The following LHX4 variants were observed in gnomAD, a reference collection of about 807,000 sequenced individuals.
LHX4 encodes LIM homeobox 4.
In LHX4, 16 loss-of-function variants were observed where a neutral mutation model predicts 39.2. That is an observed-to-expected ratio of 0.41 (90% CI 0.28 to 0.62). LHX4 has a LOEUF of 0.62. Ranked by LOEUF, LHX4 falls within the 20% of genes least tolerant of loss-of-function variation. The pLI, the probability that LHX4 is intolerant of heterozygous loss-of-function variation, is 0.33. For missense variants in LHX4, 439 were observed against 511.9 expected (o/e 0.86, Z 1.37); for synonymous variants, 206 against 198.1 (o/e 1.04, Z -0.33).
upstream of LHX4, among the ~76,000 whole-genome samples, chr1:180,228,827 A>C (rs1664085530): frequency 6.6e-6 from 1 of 152,154 alleles, no homozygotes; most frequent in Admixed American, 6.5e-5. Flanking sequence ...ACACCAGGGG[A>C]AACAGCAGGG....
intron 1 of LHX4, among the ~76,000 whole-genome samples, chr1:180,236,187 G>T (rs1571256261): frequency 6.7e-6 from 1 of 149,808 alleles, no homozygotes; most frequent in Admixed American, 6.7e-5. Flanking sequence ...TTTAAAAATC[G>T]AGTGCTCCTA....
chr1:180,243,930 C>G (rs146437463), intron 1 of LHX4, among the ~76,000 whole-genome samples: 166 of 152,302 alleles, frequency 1.1e-3, no homozygotes, highest in Admixed American at 3.5e-3. Flanking sequence ...ATGGTTCAGG[C>G]CCCTTGAGCT....
At chr1:180,229,882 C>A (rs1035341891), upstream of LHX4, among the ~76,000 whole-genome samples, 1 of 150,388 alleles carries the variant, frequency 6.6e-6, no homozygotes, top group Non-Finnish European at 1.5e-5. Context: ...CGACCACCTG[C>A]TGCCGCGGCA....
upstream of LHX4, among the ~76,000 whole-genome samples, chr1:180,229,959 C>CGGAGGCGGGGGGGGCGGGGG (rs1238306398): frequency 4.4e-5 from 1 of 22,746 alleles, no homozygotes. Context: ...GAGGCGGAGG[C>CGGAGGCGGGGGGGGCGGGGG]GGGGAGGGGG....
At chr1:180,271,624 T>C (rs1648666362) in intron 4 of LHX4, 90 bp downstream of exon 4, 16 of 1,525,630 alleles carry the variant, frequency 1.0e-5, no homozygotes, top group East Asian at 4.5e-5. Context: ...TCACGGGTGG[T>C]TGGGCTCAGG....
intron 2 of LHX4, among the ~76,000 whole-genome samples, chr1:180,259,528 C>T (rs1373256481): frequency 5.9e-5 from 9 of 151,592 alleles, no homozygotes; most frequent in South Asian, 2.1e-4. Flanking sequence ...GGGTCCAAGC[C>T]GGGCTTCCCT....
intron 2 of LHX4, among the ~76,000 whole-genome samples, chr1:180,251,396 C>A (rs1036997785): frequency 1.3e-5 from 2 of 152,222 alleles, no homozygotes; most frequent in African/African-American, 4.8e-5. Context: ...TCCAGCTCCG[C>A]GGCAGACAGG....
At chr1:180,241,899 C>A (rs1336245627) in intron 1 of LHX4, among the ~76,000 whole-genome samples, 2 of 151,980 alleles carry the variant, frequency 1.3e-5, no homozygotes, top group African/African-American at 4.8e-5. Flanking sequence ...CTCACTGCAG[C>A]CTTGGACTCC....
At chr1:180,254,487 C>T (rs1647763250) in intron 2 of LHX4, among the ~76,000 whole-genome samples, 1 of 152,250 alleles carries the variant, frequency 6.6e-6, no homozygotes, top group Non-Finnish European at 1.5e-5. Context: ...CCATTTATCT[C>T]CGCAGTCCAG....
At chr1:180,246,375 C>CT (rs1647382303) in intron 1 of LHX4, among the ~76,000 whole-genome samples, 1 of 152,216 alleles carries the variant, frequency 6.6e-6, no homozygotes, top group East Asian at 1.9e-4. Context: ...TATGTTAACA[C>CT]TTTTTAAATT....
Position 180,275,123 on chromosome 1 carries a change from T to C in LHX4, c.*544T>C, listed in dbSNP as rs1365576127. ...GGTCAGTGAACACTTTGATGGCCAG[T>C]TTGATATTAAAAACATGCCCCCTCC... On this transcript the variant is annotated 3_prime_UTR_variant, in exon 6 of 6. Coordinates refer to ENST00000263726, the MANE Select transcript of LHX4 (RefSeq NM_033343.4). 2 of 152,336 alleles carry C rather than the reference T, an allele frequency of 1.3e-5. No individual in the cohort carries two copies. Among genetic ancestry groups the C allele is most frequent in the African/African-American group, 2.4e-5 (1 of 41,438 alleles). The allele number at this position is 152,336 out of a possible 1,614,324, so 9.4% of individuals were successfully genotyped here.
chr1:180,275,208 G>GTTTTGGT lies in LHX4; in HGVS notation c.*634_*640dup, dbSNP rs1172085204. On this transcript the variant is annotated 3_prime_UTR_variant, in exon 6 of 6. Coordinates refer to ENST00000263726, the MANE Select transcript of LHX4 (RefSeq NM_033343.4). ...CCTACAAACCAGAGAATATGAACCT[G>GTTTTGGT]TTTTGGTTTTTAAGTGTCCCATCTA... 6.6e-6 allele frequency: 1 copy of GTTTTGGT among 152,180 alleles called. No homozygotes were observed. The highest frequency in any genetic ancestry group is 1.5e-5 in the Non-Finnish European group (1 of 68,050). 9.4% of individuals were successfully genotyped at this position (152,180 alleles called of 1,614,324 possible).
intron 2 of LHX4, among the ~76,000 whole-genome samples, chr1:180,252,837 C>T (rs115812398): frequency 0.012 from 1,781 of 152,282 alleles, 41 homozygotes; most frequent in African/African-American, 0.041. Context: ...GGTGTGGACA[C>T]AGAGGAGGCA....
At chr1:180,248,571 G>A in intron 2 of LHX4, 115 bp downstream of exon 2, 1 of 1,135,544 alleles carries the variant, frequency 8.8e-7, no homozygotes, top group Non-Finnish European at 1.3e-6. Flanking sequence ...ACTCTGGGAG[G>A]GGCAGGTAAA....
chr1:180,254,518 C>T (rs573914081), intron 2 of LHX4, among the ~76,000 whole-genome samples: 10 of 152,354 alleles, frequency 6.6e-5, no homozygotes, highest in South Asian at 2.1e-4. Flanking sequence ...TTCTGCCTGG[C>T]GTGGCTGCAG....
At chr1:180,250,635 G>C (rs144331465) in intron 2 of LHX4, among the ~76,000 whole-genome samples, 1 of 152,308 alleles carries the variant, frequency 6.6e-6, no homozygotes, top group African/African-American at 2.4e-5. Flanking sequence ...AGCCTGTGGG[G>C]TATGAGCAAA....
chr1:180,245,321 C>T (rs1465961708), intron 1 of LHX4, among the ~76,000 whole-genome samples: 1 of 152,232 alleles, frequency 6.6e-6, no homozygotes, highest in Non-Finnish European at 1.5e-5. Flanking sequence ...GCTATCCACC[C>T]TTCATAGACT....
In LHX4 at chr1:180,251,641, C is replaced by G. The variant is rs568417157; in HGVS notation, c.248+3185C>G. On this transcript the variant is annotated intron_variant, in intron 2 of 5. Transcript: ENST00000263726. ...AAGTAAATTATCCAGTGAGTTTACACGAGCTTTGGTGACCAGTTTCTTCTG... is the reference window on the plus strand; with the variant it reads ...AAGTAAATTATCCAGTGAGTTTACAGGAGCTTTGGTGACCAGTTTCTTCTG... Among the ~76,000 whole-genome samples the G allele has an allele frequency of 7.9e-5, 12 of 152,352 alleles. No individual in the cohort carries two copies. The South Asian group carries it at 2.5e-3, about 32-fold the overall frequency.
intron 1 of LHX4, among the ~76,000 whole-genome samples, chr1:180,242,939 T>C (rs1019427891): frequency 1.3e-5 from 2 of 152,216 alleles, no homozygotes; most frequent in African/African-American, 4.8e-5. Flanking sequence ...ATGAAATACA[T>C]TGAGCTTATT....
Sources: gnomAD v4.1 joint callset for allele counts (sites outside exome capture counted in the v4.1 genomes callset) on GRCh38, gnomAD v4.1.1 for gene constraint, MANE v1.5 for transcripts, NCBI Gene and HGNC (gene_info 2026-07-23, HGNC 2026-07-21) for gene names.